Variants in KCNMA1 observed in about 807,000 individuals in gnomAD.
KCNMA1 encodes the protein potassium calcium-activated channel subfamily M alpha 1.
A neutral mutation model predicts 140.0 loss-of-function variants in KCNMA1; 29 were observed. The observed-to-expected ratio is 0.21, with a 90% CI of 0.15 to 0.28. The LOEUF (loss-of-function observed/expected upper bound fraction) is 0.28, where lower values mean the gene tolerates loss of function less well. KCNMA1 is among the 10% of genes least tolerant of loss of function. The probability of loss-of-function intolerance (pLI) is 1.00; values close to 1 mark genes in which losing one functional copy is unlikely to be tolerated. For synonymous variants in KCNMA1, 612 were observed against 611.9 expected (o/e 1.00, Z 0.00); for missense variants, 880 against 1,602.2 (o/e 0.55, Z 7.70).
At chr10:77,438,243 G>C (rs1200186750) in intron 1 of KCNMA1, among the ~76,000 whole-genome samples, 1 of 151,924 alleles carries the variant, frequency 6.6e-6, no homozygotes, top group African/African-American at 2.4e-5. Flanking sequence ...CTTTCATGTG[G>C]GCTCTAATTT....
chr10:77,012,151 A>C, intron 17 of KCNMA1, 108 bp from the exon 18 acceptor site: 1 of 1,582,254 alleles, frequency 6.3e-7, no homozygotes, highest in Non-Finnish European at 8.6e-7. Flanking sequence ...CGCCAGCATT[A>C]ATTTCCTTTA....
At chr10:77,188,179 C>G (rs1312961283) in intron 3 of KCNMA1, among the ~76,000 whole-genome samples, 1 of 150,916 alleles carries the variant, frequency 6.6e-6, no homozygotes, top group Non-Finnish European at 1.5e-5. Context: ...GAAAAAAAAA[C>G]TACAAAGGAA....
intron 14 of KCNMA1, among the ~76,000 whole-genome samples, chr10:77,051,706 G>A (rs1025847575): frequency 6.6e-6 from 1 of 152,100 alleles, no homozygotes; most frequent in Admixed American, 6.6e-5. Context: ...CTAAGTTCAC[G>A]CAGCCTCTGG....
chr10:76,954,282 CACACACACACAT>C (rs933921956), intron 20 of KCNMA1, among the ~76,000 whole-genome samples: 3 of 143,954 alleles, frequency 2.1e-5, no homozygotes, highest in African/African-American at 4.9e-5. Context: ...CACACACACA[CACACACACACAT>C]ACACACACAC....
At chr10:77,376,195 CA>C (rs999334446) in intron 2 of KCNMA1, among the ~76,000 whole-genome samples, 1 of 152,170 alleles carries the variant, frequency 6.6e-6, no homozygotes, top group Admixed American at 6.5e-5. Context: ...TATGACCACC[CA>C]GGGGGCTGCC....
intron 2 of KCNMA1, among the ~76,000 whole-genome samples, chr10:77,372,338 C>T (rs2094796204): frequency 2.0e-5 from 3 of 152,348 alleles, no homozygotes; most frequent in African/African-American, 7.2e-5. Flanking sequence ...TGCCACATAA[C>T]AAAAGCTCAG....
intron 1 of KCNMA1, among the ~76,000 whole-genome samples, chr10:77,601,130 T>C (rs1344894565): frequency 6.6e-6 from 1 of 152,172 alleles, no homozygotes; most frequent in Non-Finnish European, 1.5e-5. Flanking sequence ...CTTGCCACCT[T>C]TGCAAAATGT....
At chr10:77,078,739 T>C (rs993008557) in intron 13 of KCNMA1, among the ~76,000 whole-genome samples, 16 of 152,352 alleles carry the variant, frequency 1.1e-4, no homozygotes, top group African/African-American at 3.8e-4. Flanking sequence ...TTCACTGATA[T>C]TCCTGTGGGT....
rs147089298 is a variant in KCNMA1 at position 77,424,252 on chromosome 10, T to C, written c.379-20229A>G. 1.6e-3 allele frequency among the ~76,000 whole-genome samples: 237 copies of C among 152,356 alleles called. No homozygotes were observed. The Middle Eastern group carries it at 0.02, about 13-fold the overall frequency. On this transcript the variant is annotated intron_variant, in intron 1 of 27. Transcript: ENST00000286628. The stretch of plus-strand genomic sequence containing the variant: ...AGGATTCTGAGAGTTGTTGGATGTG[T>C]CTAGCACATTCCTTCTAACTTATAA...
At position 77,416,235 on chromosome 10, in the gene KCNMA1, C is replaced by A. The variant is rs565731400; in HGVS notation, c.379-12212G>T. 9.2e-5 allele frequency among the ~76,000 whole-genome samples: 14 copies of A among 152,106 alleles called. No individual in the cohort carries two copies. The South Asian group carries it at 2.9e-3, about 32-fold the overall frequency. Reference sequence around the variant, plus strand: ...ACACTAGCCAGAGGCAGCCTTGGGGCCAGGAAAGGTAGGGTCTGAGGGATG... The same window carrying A: ...ACACTAGCCAGAGGCAGCCTTGGGGACAGGAAAGGTAGGGTCTGAGGGATG... On this transcript the variant is annotated intron_variant, in intron 1 of 27. Coordinates refer to ENST00000286628, the MANE Select transcript of KCNMA1 (RefSeq NM_001161352.2).
At chr10:77,380,769 A>G (rs1317921120) in intron 2 of KCNMA1, among the ~76,000 whole-genome samples, 2 of 152,078 alleles carry the variant, frequency 1.3e-5, no homozygotes, top group Non-Finnish European at 2.9e-5. Context: ...GCTCCTCTCT[A>G]CTTAACCTAG....
At chr10:77,321,684 G>A (rs2082366916) in intron 2 of KCNMA1, among the ~76,000 whole-genome samples, 1 of 152,108 alleles carries the variant, frequency 6.6e-6, no homozygotes, top group East Asian at 1.9e-4. Context: ...CTGTCCATAT[G>A]AGTCTATTTT....
At chr10:77,331,756 A>C (rs1029906316) in intron 2 of KCNMA1, among the ~76,000 whole-genome samples, 3 of 152,028 alleles carry the variant, frequency 2.0e-5, no homozygotes, top group Non-Finnish European at 4.4e-5. Context: ...TCGAGGCTGC[A>C]GGGAGCTATG....
chr10:77,562,464 T>C (rs1197909703), intron 1 of KCNMA1, among the ~76,000 whole-genome samples: 1 of 152,200 alleles, frequency 6.6e-6, no homozygotes, highest in Non-Finnish European at 1.5e-5. Flanking sequence ...CATACCTTAA[T>C]AATATTGAAC....
At chr10:77,110,920 T>C (rs189664067) in intron 7 of KCNMA1, among the ~76,000 whole-genome samples, 180 of 152,338 alleles carry the variant, frequency 1.2e-3, no homozygotes, top group Admixed American at 3.9e-3. Context: ...GCAATGGTGG[T>C]CCCAGCCTTG....
chr10:76,957,507 T>C (rs973663163), intron 20 of KCNMA1, among the ~76,000 whole-genome samples: 1 of 152,188 alleles, frequency 6.6e-6, no homozygotes, highest in Non-Finnish European at 1.5e-5. Context: ...AAATTGAAAG[T>C]AATTCAAAAA....
intron 5 of KCNMA1, among the ~76,000 whole-genome samples, chr10:77,126,717 A>AAACC (rs781116991): frequency 1.5e-5 from 1 of 68,418 alleles, no homozygotes; most frequent in African/African-American, 5.3e-5. Context: ...GGTGCCCCCC[A>AAACC]CCCCCCCACC....
Position 77,106,717 on chromosome 10 carries a change from CTG to C in KCNMA1, c.1223+1762_1223+1763del, listed in dbSNP as rs1474774426. Among the ~76,000 whole-genome samples, 82 of 152,308 alleles carry C rather than the reference CTG, an allele frequency of 5.4e-4. 1 individual carries two copies. The highest frequency in any genetic ancestry group is 1.9e-3 in the African/African-American group (81 of 41,566). ...AGAATGCCTTCTGCTTTATGGAGACCTGTCCACACCTTCAAGGCAAAATGAAT... is the reference window on the plus strand; with the variant it reads ...AGAATGCCTTCTGCTTTATGGAGACCTCCACACCTTCAAGGCAAAATGAAT... On this transcript the variant is annotated intron_variant, in intron 9 of 27. Coordinates refer to ENST00000286628, the MANE Select transcript of KCNMA1 (RefSeq NM_001161352.2).
At chr10:77,585,367 G>A (rs1009644620) in intron 1 of KCNMA1, among the ~76,000 whole-genome samples, 4 of 152,156 alleles carry the variant, frequency 2.6e-5, no homozygotes, top group Non-Finnish European at 4.4e-5. Context: ...TCACCAGGCC[G>A]TTGTCGCAGT....
Sources: gnomAD v4.1 joint callset for allele counts (sites outside exome capture counted in the v4.1 genomes callset) on GRCh38, gnomAD v4.1.1 for gene constraint, MANE v1.5 for transcripts, NCBI Gene and HGNC (gene_info 2026-07-23, HGNC 2026-07-21) for gene names.